Variants in FHIT observed in about 807,000 individuals in gnomAD.
The protein encoded by FHIT is bis(5'-adenosyl)-triphosphatase.
A neutral mutation model predicts 17.9 loss-of-function variants in FHIT; 19 were observed. The ratio of observed to expected loss-of-function variants is 1.06; its 90% CI spans 0.74 to 1.56. FHIT has a LOEUF of 1.56. Ranked by LOEUF, FHIT falls within the 40% of genes most tolerant of loss-of-function variation. FHIT has a pLI of 0.00. For synonymous variants in FHIT, 81 were observed against 69.7 expected (o/e 1.16, Z -0.81); for missense variants, 248 against 189.2 (o/e 1.31, Z -1.82).
rs1703351204 is a variant in FHIT, at chr3:59,880,197, T to C, written c.348+42149A>G. 3.3e-5 allele frequency among the ~76,000 whole-genome samples: 5 copies of C among 152,296 alleles called. No homozygotes were observed. In the South Asian group the frequency reaches 1.0e-3, roughly 32 times the overall value. On this transcript the variant is annotated intron_variant, in intron 8 of 9. Transcript: ENST00000492590. ...CCTGCCTGTCCCCTCTGCTCGTTTG[T>C]CTTTGGCCATTCCTGCTTCTGCTGT...
chr3:60,956,172 A>G (rs1340527009), intron 3 of FHIT, among the ~76,000 whole-genome samples: 1 of 152,208 alleles, frequency 6.6e-6, no homozygotes, highest in Non-Finnish European at 1.5e-5. Flanking sequence ...CTAAAGTTAC[A>G]TTTCCCTACT....
At chr3:59,911,397 C>A (rs1232079450) in intron 8 of FHIT, among the ~76,000 whole-genome samples, 1 of 152,114 alleles carries the variant, frequency 6.6e-6, no homozygotes, top group African/African-American at 2.4e-5. Context: ...AGACACAGTT[C>A]CATACATGAA....
chr3:60,160,711 TG>T (rs1700901738), intron 5 of FHIT, among the ~76,000 whole-genome samples: 1 of 152,168 alleles, frequency 6.6e-6, no homozygotes, highest in Admixed American at 6.5e-5. Flanking sequence ...TTAGCTAAAC[TG>T]TTTTTTATCA....
At chr3:61,163,178 A>C (rs1053798876) in intron 2 of FHIT, among the ~76,000 whole-genome samples, 1 of 152,046 alleles carries the variant, frequency 6.6e-6, no homozygotes, top group African/African-American at 2.4e-5. Flanking sequence ...TTAATTCCTA[A>C]TCTTCACTCA....
chr3:60,494,286 A>G (rs9881665), intron 5 of FHIT, among the ~76,000 whole-genome samples: 19,572 of 152,142 alleles, frequency 0.13, 2,156 homozygotes, highest in African/African-American at 0.3. Context: ...GATATTTCAC[A>G]TAAATTGTAT....
intron 5 of FHIT, among the ~76,000 whole-genome samples, chr3:60,375,461 G>C (rs956580357): frequency 6.6e-6 from 1 of 151,758 alleles, no homozygotes; most frequent in Non-Finnish European, 1.5e-5. Flanking sequence ...AGTAACCCCA[G>C]CTATTCAGGA....
At chr3:60,673,021 T>C (rs1272066900) in intron 4 of FHIT, among the ~76,000 whole-genome samples, 1 of 152,092 alleles carries the variant, frequency 6.6e-6, no homozygotes, top group Admixed American at 6.6e-5. Flanking sequence ...TACTTCCTTG[T>C]CCATTATGCT....
intron 8 of FHIT, among the ~76,000 whole-genome samples, chr3:59,780,271 G>C (rs1483364530): frequency 6.6e-6 from 1 of 152,212 alleles, no homozygotes; most frequent in Non-Finnish European, 1.5e-5. Flanking sequence ...CTTAGGGTTT[G>C]ATATGTAACG....
intron 5 of FHIT, among the ~76,000 whole-genome samples, chr3:60,175,295 T>G (rs1169169562): frequency 6.6e-6 from 1 of 152,174 alleles, no homozygotes; most frequent in Non-Finnish European, 1.5e-5. Flanking sequence ...ACCTAAAATA[T>G]AAAACTAATG....
At chr3:60,920,907 T>C (rs780486328) in intron 3 of FHIT, among the ~76,000 whole-genome samples, 1 of 152,062 alleles carries the variant, frequency 6.6e-6, no homozygotes, top group Non-Finnish European at 1.5e-5. Flanking sequence ...ACAAGAAAAA[T>C]AATGTTTCAA....
intron 3 of FHIT, among the ~76,000 whole-genome samples, chr3:60,936,072 A>G (rs1468784659): frequency 6.6e-6 from 1 of 152,222 alleles, no homozygotes; most frequent in Non-Finnish European, 1.5e-5. Flanking sequence ...CATGAAAGTC[A>G]GTCAATCACT....
intron 7 of FHIT, among the ~76,000 whole-genome samples, chr3:60,006,645 T>C (rs1170653373): frequency 1.3e-5 from 2 of 149,776 alleles, no homozygotes; most frequent in Non-Finnish European, 3.0e-5. Context: ...TAGATAGGGT[T>C]TCCGCATTCA....
intron 8 of FHIT, among the ~76,000 whole-genome samples, chr3:59,845,964 C>T (rs1233368118): frequency 1.3e-5 from 2 of 152,066 alleles, no homozygotes; most frequent in African/African-American, 2.4e-5. Flanking sequence ...TACTTTTAAC[C>T]TATTTGCATC....
chr3:59,958,212 T>A lies in FHIT; in HGVS notation c.280-35798A>T, dbSNP rs371006724. On this transcript the variant is annotated intron_variant, in intron 7 of 9. Transcript: ENST00000492590. ...ATGACAAAATTGGCACATATCTTGATAGTTGCATCATCTTTTCTGTGGCAG... is the reference window on the plus strand; with the variant it reads ...ATGACAAAATTGGCACATATCTTGAAAGTTGCATCATCTTTTCTGTGGCAG... Among the ~76,000 whole-genome samples the A allele has an allele frequency of 1.8e-4, 28 of 152,370 alleles. No homozygotes were observed. In the East Asian group the frequency reaches 4.6e-3, roughly 25 times the overall value.
In FHIT at chr3:60,032,479, A is replaced by G. The variant is rs533269720; in HGVS notation, c.104-18327T>C. 1.6e-4 allele frequency among the ~76,000 whole-genome samples: 24 copies of G among 152,238 alleles called. 1 individual carries two copies. In the South Asian group the frequency reaches 4.8e-3, roughly 30 times the overall value. On this transcript the variant is annotated intron_variant, in intron 5 of 9. Coordinates refer to ENST00000492590, the MANE Select transcript of FHIT (RefSeq NM_002012.4). ...AAAAAATAATAAAAATAAAAAATAA[A>G]AACATTATTGGGGGAAAAGGTATAC...
In FHIT at chr3:60,713,525, C is replaced by A. The variant is rs1276993116; in HGVS notation, c.-18+108394G>T. 5.7e-3 allele frequency among the ~76,000 whole-genome samples: 846 copies of A among 149,696 alleles called. 11 individuals carry two copies. The highest frequency in any genetic ancestry group is 0.02 in the African/African-American group (802 of 40,728). ...GAAAGGATCAACAAAATTGATAGAC[C>A]GCTAGCAAGACTAATAAAGAAAAAA... is the stretch of plus-strand genomic sequence containing the variant. On this transcript the variant is annotated intron_variant, in intron 4 of 9. Transcript: ENST00000492590.
At chr3:61,045,339 C>G (rs953193193) in intron 2 of FHIT, among the ~76,000 whole-genome samples, 6 of 152,126 alleles carry the variant, frequency 3.9e-5, no homozygotes, top group Non-Finnish European at 1.5e-5. Context: ...GGCTTGCAAT[C>G]CTAGTCTCTG....
intron 3 of FHIT, among the ~76,000 whole-genome samples, chr3:60,917,815 A>G (rs1378450626): frequency 1.3e-5 from 2 of 152,240 alleles, no homozygotes; most frequent in African/African-American, 2.4e-5. Flanking sequence ...AGTTAGATGT[A>G]TATCTGTTCA....
chr3:59,964,601 C>T (rs1326102401), intron 7 of FHIT, among the ~76,000 whole-genome samples: 5 of 152,050 alleles, frequency 3.3e-5, no homozygotes, highest in African/African-American at 1.2e-4. Flanking sequence ...CACATGCCCC[C>T]AACAAACCCC....
Sources: allele counts gnomAD v4.1 joint callset (sites outside exome capture counted in the v4.1 genomes callset), GRCh38; gene constraint gnomAD v4.1.1; transcripts MANE v1.5; gene names NCBI Gene and HGNC (gene_info 2026-07-23, HGNC 2026-07-21).